The following PLPPR3 variants were observed in gnomAD, a reference collection of about 807,000 sequenced individuals.
The protein encoded by PLPPR3 is phospholipid phosphatase-related protein type 3.
PLPPR3 carries 14 observed loss-of-function variants against 27.3 expected under a neutral mutation model. The observed-to-expected ratio is 0.51, with a 90% CI of 0.34 to 0.80. PLPPR3 has a LOEUF of 0.80. Among genes scored for constraint, PLPPR3 ranks in the 30% least tolerant of loss-of-function variants. The probability of loss-of-function intolerance (pLI) is 0.01; values close to 1 mark genes in which losing one functional copy is unlikely to be tolerated. For missense variants in PLPPR3, 1,287 were observed against 1,056.9 expected, an observed-to-expected ratio of 1.22 and a Z score of -3.02; for synonymous variants, 671 against 508.0, an observed-to-expected ratio of 1.32 and a Z score of -4.32.
chr19:814,297 CT>C, intron 7 of PLPPR3, 136 bp downstream of exon 7: 1 of 846,072 alleles, frequency 1.2e-6, no homozygotes, highest in Non-Finnish European at 1.8e-6. Flanking sequence ...CCAGCCTCCC[CT>C]GTCAGACCCC....
rs763941209 is a variant in PLPPR3, at chr19:813,211, C to T, written c.1516G>A (p.Gly506Ser). ...CCGGCGCCGCTTTTGGGGGACAGGC[C>T]GGCCCCCGTCTGCGCGCCCTCCTCC... ...IPEEGAQTGA[G>S]LSPKSGAGVR... is the part of the protein sequence containing the mutation. The change falls in exon 8 of 8, where the codon GGC (glycine) becomes AGC (serine). Residue 506 changes from glycine (G) to serine (S), a missense_variant. Transcript: ENST00000520876. This position sits in a 1 kb window ranked among gnomAD's most constrained non-coding sequence, Gnocchi z 4.1. 4.7e-6 allele frequency: 7 copies of T among 1,491,094 alleles called. No individual in the cohort carries two copies. The highest frequency in any genetic ancestry group is 2.5e-5 in the South Asian group (2 of 78,676). The allele number at this position is 1,491,094 out of a possible 1,614,324, so 92.4% of individuals were successfully genotyped here.
At chr19:818,402 T>C (rs574951256) in intron 2 of PLPPR3, among the ~76,000 whole-genome samples, 1 of 151,272 alleles carries the variant, frequency 6.6e-6, no homozygotes, top group African/African-American at 2.4e-5. Flanking sequence ...TAATAATAAA[T>C]AAAATAATAA....
At position 812,514 on chromosome 19, in the gene PLPPR3, C is replaced by T; in HGVS notation, c.*56G>A. ...CGGTTTCTGCCGCTTTATTGAGCAT[C>T]CGCGCGGCCGCCCGCGCCCTCGGCC... is the stretch of plus-strand genomic sequence containing the variant. On this transcript the variant is annotated 3_prime_UTR_variant, in exon 8 of 8. Transcript: ENST00000520876. 11 of 987,400 alleles carry T rather than the reference C, an allele frequency of 1.1e-5. No homozygotes were observed. The highest frequency in any genetic ancestry group is 1.3e-5 in the Non-Finnish European group (11 of 830,544). The allele number at this position is 987,400 out of a possible 1,614,324, so 61.2% of individuals were successfully genotyped here.
Position 814,737 on chromosome 19 carries a change from C to A in PLPPR3, c.612G>T (p.Pro204=). 1 of 1,576,192 alleles carries A rather than the reference C, an allele frequency of 6.3e-7. No homozygotes were observed. Among genetic ancestry groups the A allele is most frequent in the Non-Finnish European group, 8.6e-7 (1 of 1,164,764 alleles). ...HAILSARKTF[P]SQHATLSAFA... is the part of the protein sequence containing the mutation. ...AGGCTGACAGCGTGGCGTGCTGGGA[C>A]GGGAAGGTCTTCCTGTAAGAGGCGT... is the stretch of plus-strand genomic sequence containing the variant. The change falls in exon 6 of 8, where the codon CCG becomes CCT. Residue 204 remains proline, a synonymous_variant. Coordinates refer to ENST00000520876, the MANE Select transcript of PLPPR3 (RefSeq NM_001270366.2).
At chr19:814,658 G>T in intron 6 of PLPPR3, 34 bp downstream of exon 6, 2 of 1,609,052 alleles carry the variant, frequency 1.2e-6, no homozygotes, top group Non-Finnish European at 1.7e-6. Flanking sequence ...GTCAGCAAGA[G>T]GGCCTGGGAA....
At chr19:820,508 T>TGGTCATAAACTCCTCAC in intron 2 of PLPPR3, among the ~76,000 whole-genome samples, 1 of 148,278 alleles carries the variant, frequency 6.7e-6, no homozygotes, top group Non-Finnish European at 1.5e-5. Flanking sequence ...GCTCCATTTA[T>TGGTCATAAACTCCTCAC]TACATTTATT....
At position 814,759 on chromosome 19, in the gene PLPPR3, G is replaced by A; in HGVS notation, c.600-10C>T. Reference sequence around the variant, plus strand: ...GGACGGGAAGGTCTTCCTGTAAGAGGCGTCCAGCGTGAGCCCCGCCCACCT... The same window carrying A: ...GGACGGGAAGGTCTTCCTGTAAGAGACGTCCAGCGTGAGCCCCGCCCACCT... On this transcript the variant is annotated splice_polypyrimidine_tract_variant and intron_variant, in intron 5 of 7. Transcript: ENST00000520876. The A allele has an allele frequency of 6.4e-7, 1 of 1,563,708 alleles. No homozygotes were observed. Among genetic ancestry groups the A allele is most frequent in the Non-Finnish European group, 8.6e-7 (1 of 1,159,314 alleles).
At chr19:818,735 G>A (rs944662882) in intron 2 of PLPPR3, among the ~76,000 whole-genome samples, 4 of 152,050 alleles carry the variant, frequency 2.6e-5, no homozygotes, top group Admixed American at 6.6e-5. Flanking sequence ...GGGTTTCACC[G>A]TGTTAGCCAG....
At chr19:814,247 C>T (rs865992949) in intron 7 of PLPPR3, among the ~76,000 whole-genome samples, 187 bp downstream of exon 7, 9 of 147,538 alleles carry the variant, frequency 6.1e-5, no homozygotes, top group Admixed American at 2.7e-4. Flanking sequence ...GCCAGCCCCC[C>T]GCCAGAACCC....
chr19:814,347 C>T (rs2035012684), intron 7 of PLPPR3, 87 bp downstream of exon 7: 1 of 1,337,270 alleles, frequency 7.5e-7, no homozygotes, highest in African/African-American at 1.5e-5. Context: ...GGGCCAGCCT[C>T]CCCACTCAGG....
chr19:822,462 C>T (rs1334674409), upstream of PLPPR3, among the ~76,000 whole-genome samples: 1 of 151,798 alleles, frequency 6.6e-6, no homozygotes, highest in South Asian at 2.1e-4. Context: ...CCCGGAGCAT[C>T]GGAGACAAAA....
At chr19:821,392 A>C in intron 2 of PLPPR3, 93 bp downstream of exon 2, 1 of 1,098,798 alleles carries the variant, frequency 9.1e-7, no homozygotes, top group Non-Finnish European at 1.2e-6. Flanking sequence ...CTGCCGGGGC[A>C]GCTGCGCCGG....
At chr19:821,023 T>C (rs1479095566) in intron 2 of PLPPR3, among the ~76,000 whole-genome samples, 1 of 152,212 alleles carries the variant, frequency 6.6e-6, no homozygotes, top group Non-Finnish European at 1.5e-5. Context: ...TCTGTAGATA[T>C]TAATTCCTAT....
chr19:813,377 C>G lies in PLPPR3; in HGVS notation c.1350G>C (p.Glu450Asp). 6.7e-7 allele frequency: 1 copy of G among 1,497,490 alleles called. No individual in the cohort carries two copies. The highest frequency in any genetic ancestry group is 8.8e-7 in the Non-Finnish European group (1 of 1,131,190). The allele number at this position is 1,497,490 out of a possible 1,614,324, so 92.8% of individuals were successfully genotyped here. A position where few individuals can be genotyped will look rare whatever the true frequency, so the allele number is the denominator to read the frequency against. Residue 450 changes from glutamate (E) to aspartate (D), a missense_variant, in exon 8 of 8, where the codon GAG becomes GAC. Coordinates refer to ENST00000520876, the MANE Select transcript of PLPPR3 (RefSeq NM_001270366.2). The surrounding 1 kb of genome is among the most constrained non-coding windows in gnomAD (Gnocchi z 4.1). ...CCTCCTCTTCCTCCTCCTCCTCTTC[C>G]TCTTCGTCCTCCTCCTCTTCCTCCT... ...AEEEEEEEDEEEEEEEEEEED... is the reference protein window; with the variant it reads ...AEEEEEEEDEDEEEEEEEEED...
At chr19:822,289 G>A (rs977150491), upstream of PLPPR3, among the ~76,000 whole-genome samples, 1 of 150,922 alleles carries the variant, frequency 6.6e-6, no homozygotes, top group Non-Finnish European at 1.5e-5. Context: ...CGAGACGGGG[G>A]CGGAGGCGGG....
rs1478120715 is a variant in PLPPR3 at position 814,298 on chromosome 19, T to C, written c.831+136A>G. 23 of 577,780 alleles carry C rather than the reference T, an allele frequency of 4.0e-5. No homozygotes were observed. The African/African-American group carries it at 5.5e-4, about 14-fold the overall frequency. The allele number at this position is 577,780 out of a possible 1,614,324, so 35.8% of individuals were successfully genotyped here. On this transcript the variant is annotated intron_variant, in intron 7 of 7. Coordinates refer to ENST00000520876, the MANE Select transcript of PLPPR3 (RefSeq NM_001270366.2). ...CACCCCTCAGGCTACCAGCCTCCCC[T>C]GTCAGACCCCCTGAGCCTGCCTCCC... is the stretch of plus-strand genomic sequence containing the variant.
chr19:816,905 T>C (rs111874468), intron 2 of PLPPR3, among the ~76,000 whole-genome samples: 119 of 144,564 alleles, frequency 8.2e-4, no homozygotes, highest in African/African-American at 2.8e-3. Context: ...CCCACCCAAC[T>C]GTCCATCCAT....
At chr19:823,146 AAG>A (rs1491036301), upstream of PLPPR3, among the ~76,000 whole-genome samples, 1 of 146,376 alleles carries the variant, frequency 6.8e-6, no homozygotes, top group Non-Finnish European at 1.5e-5. Flanking sequence ...CAAACAAACA[AAG>A]AGTGACTTCC....
Position 821,485 on chromosome 19 carries a change from C to T in PLPPR3, c.75G>A (p.Glu25=). The T allele has an allele frequency of 6.6e-7, 1 of 1,514,050 alleles. No homozygotes were observed. The highest frequency in any genetic ancestry group is 8.8e-7 in the Non-Finnish European group (1 of 1,130,584). The allele number at this position is 1,514,050 out of a possible 1,614,324, so 93.8% of individuals were successfully genotyped here. ...GGGCCCCAGCGCGACCCCCACCCAC[C>T]TCCACGAAGTAGAAGCAGGGCAGAA... is the stretch of plus-strand genomic sequence containing the variant. The part of the protein sequence containing the change: ...MTLLPCFYFV[E]LPIVASSIVS... The change falls in exon 2 of 8, where the codon GAG becomes GAA. Residue 25 remains glutamate, a splice_region_variant and synonymous_variant. Coordinates refer to ENST00000520876, the MANE Select transcript of PLPPR3 (RefSeq NM_001270366.2).
Sources: gnomAD v4.1 joint callset for allele counts (sites outside exome capture counted in the v4.1 genomes callset) on GRCh38, gnomAD v4.1.1 for gene constraint, Gnocchi (gnomAD v3.1) non-coding constraint, MANE v1.5 for transcripts, NCBI Gene and HGNC (gene_info 2026-07-23, HGNC 2026-07-21) for gene names.